Variants in SSBP2 observed in about 807,000 individuals in gnomAD.
The protein encoded by SSBP2 is single stranded DNA binding protein 2.
Under a neutral mutation model 61.8 loss-of-function variants are expected in SSBP2, and 17 were observed. The observed-to-expected ratio is 0.28, with a 90% CI of 0.19 to 0.41. The LOEUF (loss-of-function observed/expected upper bound fraction) is 0.41. SSBP2 is among the 10% of genes least tolerant of loss of function. The pLI, the probability that SSBP2 is intolerant of heterozygous loss-of-function variation, is 1.00. For missense variants in SSBP2, 310 were observed against 458.7 expected (o/e 0.68, Z 2.96); for synonymous variants, 139 against 141.3 (o/e 0.98, Z 0.12).
intron 4 of SSBP2, among the ~76,000 whole-genome samples, chr5:81,585,437 G>T (rs748456579): frequency 6.6e-6 from 1 of 151,696 alleles, no homozygotes; most frequent in Non-Finnish European, 1.5e-5. Context: ...TTGCAAATCA[G>T]TTGTTTGAAA....
At chr5:81,645,749 T>C (rs888283689) in intron 2 of SSBP2, among the ~76,000 whole-genome samples, 8 of 152,306 alleles carry the variant, frequency 5.3e-5, no homozygotes, top group African/African-American at 1.9e-4. Context: ...AGGAAGGGCT[T>C]TGTATTGAGA....
At chr5:81,659,267 C>G (rs1750485056) in intron 1 of SSBP2, among the ~76,000 whole-genome samples, 2 of 152,136 alleles carry the variant, frequency 1.3e-5, no homozygotes, top group Admixed American at 6.5e-5. Flanking sequence ...TTAGAAAACT[C>G]CAGTGTCTCA....
chr5:81,742,090 C>T (rs1757061229), intron 1 of SSBP2, among the ~76,000 whole-genome samples: 1 of 152,058 alleles, frequency 6.6e-6, no homozygotes, highest in East Asian at 1.9e-4. Flanking sequence ...ATAAATATTG[C>T]TAGTCAATGG....
At chr5:81,657,266 A>C (rs1370007162) in intron 1 of SSBP2, among the ~76,000 whole-genome samples, 1 of 152,194 alleles carries the variant, frequency 6.6e-6, no homozygotes, top group Non-Finnish European at 1.5e-5. Flanking sequence ...AAGCCAAACA[A>C]TTTATAATAA....
At chr5:81,695,032 C>T (rs76602829) in intron 1 of SSBP2, among the ~76,000 whole-genome samples, 10,825 of 152,162 alleles carry the variant, frequency 0.071, 484 homozygotes, top group Middle Eastern at 0.12. Flanking sequence ...CTCAAATAAC[C>T]AGGTCTAAAC....
In SSBP2 at chr5:81,595,623, C is replaced by T. The variant is rs1279592979; in HGVS notation, c.282+19850G>A. Among the ~76,000 whole-genome samples, 3 of 152,276 alleles carry T rather than the reference C, an allele frequency of 2.0e-5. No individual in the cohort carries two copies. In the South Asian group the frequency reaches 6.2e-4, roughly 32 times the overall value. On this transcript the variant is annotated intron_variant, in intron 4 of 16. Transcript: ENST00000320672. ...TACTGGCAAACTGAATCCAGCAGCA[C>T]ATCAAAAAGCTTATCCACTATGATC...
intron 4 of SSBP2, among the ~76,000 whole-genome samples, chr5:81,579,108 T>C (rs1225424921): frequency 6.6e-6 from 1 of 152,058 alleles, no homozygotes; most frequent in Non-Finnish European, 1.5e-5. Context: ...AAAGATAGTT[T>C]GGAAGATGCT....
intron 1 of SSBP2, among the ~76,000 whole-genome samples, chr5:81,687,914 AC>A (rs1752936813): frequency 6.6e-6 from 1 of 152,116 alleles, no homozygotes; most frequent in Non-Finnish European, 1.5e-5. Flanking sequence ...TTCAGGTGCG[AC>A]CCAGCACATT....
At chr5:81,486,414 T>TG (rs1235244503) in intron 6 of SSBP2, among the ~76,000 whole-genome samples, 3 of 152,272 alleles carry the variant, frequency 2.0e-5, no homozygotes, top group South Asian at 4.1e-4. Context: ...TAATGTCACT[T>TG]GAATACAATT....
intron 4 of SSBP2, among the ~76,000 whole-genome samples, chr5:81,555,848 TTC>T (rs1442473741): frequency 1.3e-5 from 2 of 152,156 alleles, no homozygotes; most frequent in Non-Finnish European, 2.9e-5. Flanking sequence ...TTTGGTATTT[TTC>T]TCTTTTTCTC....
At chr5:81,677,053 C>CTGTTTTGCTAAGGTGTGTTTCCATG (rs1404330577) in intron 1 of SSBP2, among the ~76,000 whole-genome samples, 1 of 152,172 alleles carries the variant, frequency 6.6e-6, no homozygotes, top group Non-Finnish European at 1.5e-5. Context: ...GATCTTCCAT[C>CTGTTTTGCTAAGGTGTGTTTCCATG]TGTTTCTCAA....
rs1761468066 is a variant in SSBP2, at chr5:81,419,412, T to C, written c.*1092A>G. On this transcript the variant is annotated 3_prime_UTR_variant, in exon 17 of 17. Transcript: ENST00000320672. ...GAGTGCTAATAACTCTCTTCTCCCT[T>C]GTGCTCAAAGTCTCCTTCTATGTAT... The C allele has an allele frequency of 6.6e-6, 1 of 152,196 alleles. No homozygotes were observed. The highest frequency in any genetic ancestry group is 1.5e-5 in the Non-Finnish European group (1 of 68,038). The allele number at this position is 152,196 out of a possible 1,614,324, so 9.4% of individuals were successfully genotyped here. A position where few individuals can be genotyped will look rare whatever the true frequency, so the allele number is the denominator to read the frequency against.
intron 5 of SSBP2, among the ~76,000 whole-genome samples, chr5:81,491,451 G>T (rs1431394535): frequency 6.6e-6 from 1 of 152,120 alleles, no homozygotes; most frequent in Admixed American, 6.6e-5. Context: ...TTTATTTAGT[G>T]GTATATGTAA....
In SSBP2 at chr5:81,473,735, T is replaced by G. The variant is rs768408405; in HGVS notation, c.535A>C (p.Thr179Pro). The change falls in exon 8 of 17, where the codon ACT becomes CCT. Residue 179 changes from threonine to proline, a missense_variant. By Grantham distance (38) the Thr-to-Pro change is conservative. This residue lies in a region of SSBP2 where 209 missense variants were observed against 286.4 expected (regional missense o/e 0.73). Transcript: ENST00000320672. ...AAGGGCACCATTCCTCTTGGAGGAGTCATTCTCTGCATTGGCCCACCCATA... is the reference window on the plus strand; with the variant it reads ...AAGGGCACCATTCCTCTTGGAGGAGGCATTCTCTGCATTGGCCCACCCATA... 1.9e-6 allele frequency: 3 copies of G among 1,613,750 alleles called. No homozygotes were observed. The East Asian group carries it at 6.7e-5, about 36-fold the overall frequency.
intron 5 of SSBP2, among the ~76,000 whole-genome samples, chr5:81,506,522 A>G (rs1286864465): frequency 1.3e-5 from 2 of 152,142 alleles, no homozygotes; most frequent in Admixed American, 6.6e-5. Context: ...TAACTTCCTA[A>G]GAGGGAAAGG....
At chr5:81,740,307 TAA>T (rs78403411) in intron 1 of SSBP2, among the ~76,000 whole-genome samples, 30 of 132,322 alleles carry the variant, frequency 2.3e-4, no homozygotes, top group Admixed American at 2.3e-4. Flanking sequence ...TAATCCAGGG[TAA>T]AAAAAAAAAA....
chr5:81,501,268 T>TATATATATATAC (rs1205403428), intron 5 of SSBP2, among the ~76,000 whole-genome samples: 2 of 35,770 alleles, frequency 5.6e-5, no homozygotes, highest in Non-Finnish European at 1.0e-4. Context: ...TATATATATA[T>TATATATATATAC]ACACACACAC....
In SSBP2 at chr5:81,574,216, G is replaced by A. The variant is rs1300704198; in HGVS notation, c.282+41257C>T. Among the ~76,000 whole-genome samples, 3 of 151,924 alleles carry A rather than the reference G, an allele frequency of 2.0e-5. No homozygotes were observed. In the East Asian group the frequency reaches 5.8e-4, roughly 29 times the overall value. Reference sequence around the variant, plus strand: ...CCAATAAATTAAGCAACAACACTGAGAACATCAGCAAAAAGGCAGAATAAC... The same window carrying A: ...CCAATAAATTAAGCAACAACACTGAAAACATCAGCAAAAAGGCAGAATAAC... On this transcript the variant is annotated intron_variant, in intron 4 of 16. Coordinates refer to ENST00000320672, the MANE Select transcript of SSBP2 (RefSeq NM_012446.5).
chr5:81,665,249 T>C (rs950473215), intron 1 of SSBP2, among the ~76,000 whole-genome samples: 2 of 152,156 alleles, frequency 1.3e-5, no homozygotes, highest in African/African-American at 4.8e-5. Context: ...AGCAGTGGTT[T>C]GTAGTTTTCC....
Sources: allele counts gnomAD v4.1 joint callset (sites outside exome capture counted in the v4.1 genomes callset), GRCh38; gene constraint gnomAD v4.1.1; regional missense constraint gnomAD v4.1.1; transcripts MANE v1.5; gene names NCBI Gene and HGNC (gene_info 2026-07-23, HGNC 2026-07-21).